NUP214: variants seen among roughly 807,000 people sequenced by gnomAD.
NUP214 encodes nuclear pore complex protein Nup214.
Under a neutral mutation model 196.2 loss-of-function variants are expected in NUP214, and 79 were observed. That is an observed-to-expected ratio of 0.40 (90% CI 0.34 to 0.49). The LOEUF (loss-of-function observed/expected upper bound fraction) is 0.49, where lower values mean the gene tolerates loss of function less well. Among genes scored for constraint, NUP214 ranks in the 20% least tolerant of loss-of-function variants. The pLI is 0.58. For synonymous variants in NUP214, 1,020 were observed against 990.5 expected (o/e 1.03, Z -0.56); for missense variants, 2,468 against 2,539.0 (o/e 0.97, Z 0.60).
chr9:131,231,287 G>A (rs899352284), intron 34 of NUP214, among the ~76,000 whole-genome samples: 11 of 152,094 alleles, frequency 7.2e-5, no homozygotes, highest in Non-Finnish European at 1.5e-4. Context: ...CCGCCTCCCG[G>A]GTTCACGCCA....
intron 30 of NUP214, among the ~76,000 whole-genome samples, chr9:131,204,441 G>C (rs1007042586): frequency 2.6e-5 from 4 of 152,180 alleles, no homozygotes; most frequent in Non-Finnish European, 5.9e-5. Flanking sequence ...CCAGCTTTGA[G>C]GGCTATCGAT....
rs184566456 is a variant in NUP214 at position 131,231,485 on chromosome 9, T to A, written c.6214+716T>A. Among the ~76,000 whole-genome samples the A allele has an allele frequency of 2.7e-3, 407 of 149,854 alleles. 1 individual carries two copies. The highest frequency in any genetic ancestry group is 0.021 in the Middle Eastern group (6 of 288). Reference sequence around the variant, plus strand: ...GGATTACAGCACCTGGCATATATATTTTTTTTTAGGTTTTAGTTAGACTTA... The same window carrying A: ...GGATTACAGCACCTGGCATATATATATTTTTTTAGGTTTTAGTTAGACTTA... On this transcript the variant is annotated intron_variant, in intron 34 of 35. Coordinates refer to ENST00000359428, the MANE Select transcript of NUP214 (RefSeq NM_005085.4).
At chr9:131,167,559 G>A (rs576521516) in intron 21 of NUP214, 5 of 152,018 alleles carry the variant, frequency 3.3e-5, no homozygotes, top group East Asian at 1.9e-4. Context: ...TCTGCCAGGC[G>A]GTTTTACTAA....
intron 24 of NUP214, 107 bp downstream of exon 24, chr9:131,178,517 C>A (rs1201094770): frequency 4.0e-6 from 3 of 752,936 alleles, no homozygotes; most frequent in Non-Finnish European, 2.2e-6. Flanking sequence ...TTTCCTGCAC[C>A]GCCTTAGGTT....
At chr9:131,171,626 A>G (rs1036241822) in intron 21 of NUP214, among the ~76,000 whole-genome samples, 1 of 149,634 alleles carries the variant, frequency 6.7e-6, no homozygotes, top group Non-Finnish European at 1.5e-5. Flanking sequence ...ATATGTATAC[A>G]TGTGCCATGC....
Position 131,232,720 on chromosome 9 carries a change from T to C in NUP214, c.6239+412T>C. 3.8e-6 allele frequency: 1 copy of C among 263,138 alleles called. No individual in the cohort carries two copies. The highest frequency in any genetic ancestry group is 4.3e-5 in the South Asian group (1 of 23,446). 16.3% of individuals were successfully genotyped at this position (263,138 alleles called of 1,614,324 possible). On this transcript the variant is annotated intron_variant, in intron 35 of 35. Transcript: ENST00000359428. This position sits in a 1 kb window ranked among gnomAD's most constrained non-coding sequence, Gnocchi z 5.1. ...TGTGTAAAATTTCATGGCGTTAAAA[T>C]TCAGTCTTAGCCAGGTGGGTGGTTC...
chr9:131,131,836 TTGCCACCA>T lies in NUP214; in HGVS notation c.664-756_664-749del, dbSNP rs567279180. ...CCCGGGTAGCTGAGACTACAGGCAC[TTGCCACCA>T]TGCACAGCTAATTTTTGTATTTTTT... is the stretch of plus-strand genomic sequence containing the variant. On this transcript the variant is annotated intron_variant, in intron 5 of 35. Transcript: ENST00000359428. 1.8e-4 allele frequency among the ~76,000 whole-genome samples: 27 copies of T among 151,904 alleles called. 1 individual carries two copies. In the South Asian group the frequency reaches 5.4e-3, roughly 30 times the overall value.
chr9:131,165,420 C>T (rs921147510), intron 21 of NUP214: 1 of 152,036 alleles, frequency 6.6e-6, no homozygotes. Context: ...AGTTTTGTGT[C>T]TTGATTTTTT....
rs570760824 is a variant in NUP214, at chr9:131,215,068, T to G, written c.5593-144T>G. 3.4e-4 allele frequency: 206 copies of G among 598,158 alleles called. 4 individuals carry two copies. The South Asian group carries it at 5.5e-3, about 16-fold the overall frequency. The allele number at this position is 598,158 out of a possible 1,614,324, so 37.1% of individuals were successfully genotyped here. On this transcript the variant is annotated intron_variant, in intron 30 of 35. Coordinates refer to ENST00000359428, the MANE Select transcript of NUP214 (RefSeq NM_005085.4). ...TCCCTGTCCAGAGTCTAGCTTCTTTTGTGGTGGTTAGAGCATTTGTACCAG... is the reference window on the plus strand; with the variant it reads ...TCCCTGTCCAGAGTCTAGCTTCTTTGGTGGTGGTTAGAGCATTTGTACCAG...
chr9:131,188,000 C>T (rs1833500684), intron 25 of NUP214, among the ~76,000 whole-genome samples: 3 of 152,316 alleles, frequency 2.0e-5, no homozygotes, highest in South Asian at 2.1e-4. Context: ...ATACAACAGC[C>T]GTGTACAGTG....
At chr9:131,133,682 G>A (rs1232978018) in intron 7 of NUP214, 2 of 152,220 alleles carry the variant, frequency 1.3e-5, no homozygotes, top group Non-Finnish European at 2.9e-5. Context: ...CATGGGCCAG[G>A]GGTCTAAAAT....
rs1040834631 is a variant in NUP214 at position 131,232,157 on chromosome 9, T to C, written c.6215-127T>C. 5 of 892,488 alleles carry C rather than the reference T, an allele frequency of 5.6e-6. No homozygotes were observed. The African/African-American group carries it at 6.5e-5, about 12-fold the overall frequency. The allele number at this position is 892,488 out of a possible 1,614,324, so 55.3% of individuals were successfully genotyped here. On this transcript the variant is annotated intron_variant, in intron 34 of 35. Coordinates refer to ENST00000359428, the MANE Select transcript of NUP214 (RefSeq NM_005085.4). This position sits in a 1 kb window ranked among gnomAD's most constrained non-coding sequence, Gnocchi z 5.1. ...TCTGTGTGTACCTTTCCTGCCTTCC[T>C]GTAGGTGGTGGAGGCACGGAGGGCT...
Position 131,135,018 on chromosome 9 carries a change from C to T in NUP214, c.938+14C>T. 2 of 1,543,988 alleles carry T rather than the reference C, an allele frequency of 1.3e-6. No homozygotes were observed. The highest frequency in any genetic ancestry group is 1.8e-6 in the Non-Finnish European group (2 of 1,116,598). On this transcript the variant is annotated intron_variant, in intron 8 of 35. Transcript: ENST00000359428. ...CATTGAGGAATGGTGAGCAGAGAGT[C>T]TGGACAGGGCATTCCTGCTCTCACT...
At chr9:131,172,715 C>G (rs1426382352) in intron 21 of NUP214, among the ~76,000 whole-genome samples, 1 of 152,210 alleles carries the variant, frequency 6.6e-6, no homozygotes, top group East Asian at 1.9e-4. Flanking sequence ...CATATGGCTA[C>G]TGGCTACCAA....
At chr9:131,215,758 GTA>G (rs1418404056) in intron 31 of NUP214, among the ~76,000 whole-genome samples, 3 of 152,144 alleles carry the variant, frequency 2.0e-5, no homozygotes, top group African/African-American at 7.2e-5. Context: ...CATTTGGATA[GTA>G]CTCTCCAAAT....
Position 131,233,491 on chromosome 9 carries a change from C to T in NUP214, c.*4C>T, listed in dbSNP as rs201896166. The T allele has an allele frequency of 5.8e-5, 94 of 1,613,744 alleles. No homozygotes were observed. The East Asian group carries it at 7.1e-4, about 12-fold the overall frequency. On this transcript the variant is annotated 3_prime_UTR_variant, in exon 36 of 36. Transcript: ENST00000359428. The stretch of plus-strand genomic sequence containing the variant: ...TTTTGGTGGCTGGCGAAGCTGAGGG[C>T]GTGTCAGCAGGCCTTTCGATCCCTG...
chr9:131,178,654 G>T (rs1833182154), intron 24 of NUP214, among the ~76,000 whole-genome samples: 1 of 150,356 alleles, frequency 6.7e-6, no homozygotes, highest in Admixed American at 6.6e-5. Flanking sequence ...CTCAGTTTCT[G>T]TTTGCCATGT....
In NUP214 at chr9:131,233,895, T is replaced by C. The variant is rs1834945614; in HGVS notation, c.*408T>C. 1 of 302,720 alleles carries C rather than the reference T, an allele frequency of 3.3e-6. No homozygotes were observed. Among genetic ancestry groups the C allele is most frequent in the Non-Finnish European group, 6.3e-6 (1 of 158,220 alleles). The allele number at this position is 302,720 out of a possible 1,614,324, so 18.8% of individuals were successfully genotyped here. On this transcript the variant is annotated 3_prime_UTR_variant, in exon 36 of 36. Coordinates refer to ENST00000359428, the MANE Select transcript of NUP214 (RefSeq NM_005085.4). ...TCACTTGGACCTAGCGCCCTCCACATAGGGAAGAGGTTGAATGCTGGTGGG... is the reference window on the plus strand; with the variant it reads ...TCACTTGGACCTAGCGCCCTCCACACAGGGAAGAGGTTGAATGCTGGTGGG...
chr9:131,138,959 T>A (rs1831823258), intron 9 of NUP214, among the ~76,000 whole-genome samples: 1 of 152,172 alleles, frequency 6.6e-6, no homozygotes, highest in Non-Finnish European at 1.5e-5. Flanking sequence ...GTCAGCAATC[T>A]CCCTAGTTGT....
Sources: allele counts gnomAD v4.1 joint callset (sites outside exome capture counted in the v4.1 genomes callset), GRCh38; gene constraint gnomAD v4.1.1; non-coding constraint Gnocchi (gnomAD v3.1); transcripts MANE v1.5; gene names NCBI Gene and HGNC (gene_info 2026-07-23, HGNC 2026-07-21).